Variants in TGM7 observed in about 807,000 individuals in gnomAD.
The protein encoded by TGM7 is transglutaminase 7.
In TGM7, 74 loss-of-function variants were observed where a neutral mutation model predicts 79.5. The observed-to-expected ratio is 0.93, with a 90% CI of 0.77 to 1.13. TGM7 has a LOEUF of 1.13. TGM7 is among the 50% of genes most tolerant of loss of function. TGM7 has a pLI of 0.00. For synonymous variants in TGM7, 354 were observed against 362.5 expected, an observed-to-expected ratio of 0.98 and a Z score of 0.27; for missense variants, 912 against 905.9, an observed-to-expected ratio of 1.01 and a Z score of -0.09.
intron 6 of TGM7, 121 bp downstream of exon 6, chr15:43,287,159 C>T (rs770108918): frequency 3.2e-5 from 38 of 1,191,120 alleles, no homozygotes; most frequent in Non-Finnish European, 4.5e-5. Context: ...AGCTCAGGGC[C>T]TGGGTGCCCA....
chr15:43,293,635 G>C lies in TGM7; in HGVS notation c.11-4C>G. 6.3e-7 allele frequency: 1 copy of C among 1,597,474 alleles called. No homozygotes were observed. The highest frequency in any genetic ancestry group is 8.5e-7 in the Non-Finnish European group (1 of 1,174,056). Reference sequence around the variant, plus strand: ...GACTCAAGCCGCAAGGTTGCCACTAGGGGAGAGGAGGGGACAGGTCACGCC... The same window carrying C: ...GACTCAAGCCGCAAGGTTGCCACTACGGGAGAGGAGGGGACAGGTCACGCC... On this transcript the variant is annotated splice_region_variant and splice_polypyrimidine_tract_variant and intron_variant, in intron 1 of 12. Transcript: ENST00000452443.
intron 9 of TGM7, 27 bp downstream of exon 9, chr15:43,281,817 C>T (rs140107390): frequency 1.7e-5 from 27 of 1,609,202 alleles, no homozygotes; most frequent in Middle Eastern, 3.3e-4. Flanking sequence ...CTTAAAGCAG[C>T]CCTTTCCCCA....
rs2042895377 is a variant in TGM7 at position 43,279,542 on chromosome 15, T to A, written c.1678+83A>T. The stretch of plus-strand genomic sequence containing the variant: ...GTTGGAGGAAGGGGTCTGTGTGTAA[T>A]CTGGCTGGGCCCACCCCACTGTGTT... On this transcript the variant is annotated intron_variant, in intron 10 of 12. Coordinates refer to ENST00000452443, the MANE Select transcript of TGM7 (RefSeq NM_052955.3). 4.8e-6 allele frequency: 7 copies of A among 1,472,106 alleles called. No homozygotes were observed. In the East Asian group the frequency reaches 1.6e-4, roughly 34 times the overall value. The allele number at this position is 1,472,106 out of a possible 1,614,324, so 91.2% of individuals were successfully genotyped here.
intron 7 of TGM7, among the ~76,000 whole-genome samples, chr15:43,283,374 T>C (rs1489588956): frequency 6.6e-6 from 1 of 152,254 alleles, no homozygotes; most frequent in African/African-American, 2.4e-5. Flanking sequence ...ACACACTGCA[T>C]TCAGCTACGC....
At chr15:43,283,745 GTCTA>G (rs1276598368) in intron 7 of TGM7, among the ~76,000 whole-genome samples, 42 of 152,202 alleles carry the variant, frequency 2.8e-4, no homozygotes, top group Non-Finnish European at 4.7e-4. Flanking sequence ...ACCTCTAGGA[GTCTA>G]TCTGTGGATC....
intron 4 of TGM7, 55 bp downstream of exon 4, chr15:43,291,924 G>T: frequency 1.5e-6 from 2 of 1,310,124 alleles, no homozygotes; most frequent in Middle Eastern, 1.9e-4. Flanking sequence ...ACAGGGTTGT[G>T]TAAGGACCAG....
At position 43,279,684 on chromosome 15, in the gene TGM7, C is replaced by T. The variant is rs966730203; in HGVS notation, c.1619G>A (p.Gly540Asp). The T allele has an allele frequency of 1.2e-6, 2 of 1,613,226 alleles. No individual in the cohort carries two copies. Among genetic ancestry groups the T allele is most frequent in the Non-Finnish European group, 1.7e-6 (2 of 1,179,646 alleles). ...CCTCCAGAAGGGCTTCTGGGTACCA[C>T]CCCCATGCAGCAGGGCCTGTGCACA... ...RFCAQALLHG[G>D]GTQKPFWRHT... Residue 540 changes from glycine to aspartate, a missense_variant, in exon 10 of 13, where the codon GGT (glycine) becomes GAT (aspartate). Gly to Asp is a moderately conservative substitution (Grantham distance 94). Transcript: ENST00000452443.
chr15:43,280,038 G>A, intron 9 of TGM7, 87 bp from the exon 10 acceptor site: 1 of 1,314,276 alleles, frequency 7.6e-7, no homozygotes, highest in Non-Finnish European at 1.1e-6. Flanking sequence ...CACAGGAATA[G>A]CAGCACAGGG....
chr15:43,289,697 C>T (rs530275847), intron 4 of TGM7, among the ~76,000 whole-genome samples: 14 of 152,244 alleles, frequency 9.2e-5, no homozygotes, highest in African/African-American at 2.4e-4. Context: ...AAAAGTGTTC[C>T]GATTTCTCCA....
At chr15:43,279,386 G>A (rs2042894634) in intron 10 of TGM7, 109 bp from the exon 11 acceptor site, 3 of 1,285,412 alleles carry the variant, frequency 2.3e-6, no homozygotes, top group Non-Finnish European at 3.2e-6. Flanking sequence ...AGGTAAAAGT[G>A]TGTGTGAGAG....
At chr15:43,279,569 A>G (rs767347373) in intron 10 of TGM7, 56 bp downstream of exon 10, 33 of 1,520,858 alleles carry the variant, frequency 2.2e-5, no homozygotes, top group Non-Finnish European at 2.8e-5. Context: ...CACTGTGTTC[A>G]TGGACCCACA....
In TGM7 at chr15:43,279,762, C is replaced by G. The variant is rs1349857108; in HGVS notation, c.1541G>C (p.Arg514Thr). The G allele has an allele frequency of 4.3e-6, 7 of 1,614,108 alleles. No individual in the cohort carries two copies. Among genetic ancestry groups the G allele is most frequent in the Non-Finnish European group, 5.9e-6 (7 of 1,180,046 alleles). ...CCGAGGGTGGGTGCTGTCTGGCACC[C>G]TCTGGATACGCAGCAGCAGCTGCAG... ...QDLQLLLRIQ[R>T]VPDSTHPRGP... is the part of the protein sequence containing the mutation. Residue 514 changes from arginine (R) to threonine (T), a missense_variant, in exon 10 of 13, where the codon AGG becomes ACG. Physicochemically the swap from Arg to Thr is moderately conservative, Grantham distance 71. Coordinates refer to ENST00000452443, the MANE Select transcript of TGM7 (RefSeq NM_052955.3).
chr15:43,293,094 CAA>C lies in TGM7; in HGVS notation c.194-142_194-141del, dbSNP rs1193631905. The C allele has an allele frequency of 3.2e-6, 4 of 1,254,456 alleles. No homozygotes were observed. In the African/African-American group the frequency reaches 6.0e-5, roughly 19 times the overall value. The allele number at this position is 1,254,456 out of a possible 1,614,324, so 77.7% of individuals were successfully genotyped here. On this transcript the variant is annotated intron_variant, in intron 2 of 12. Transcript: ENST00000452443. ...TTTACTGCCACCGAGTGTCCTCAGG[CAA>C]ACCATTTAAGACCCCCAGGCCTCCG... is the stretch of plus-strand genomic sequence containing the variant.
At chr15:43,278,824 TGC>T (rs2042890692) in intron 11 of TGM7, among the ~76,000 whole-genome samples, 1 of 152,256 alleles carries the variant, frequency 6.6e-6, no homozygotes, top group African/African-American at 2.4e-5. Context: ...TCCTAGTCAC[TGC>T]CTTTCCCGTC....
Position 43,298,354 on chromosome 15 carries a change from C to T in TGM7, c.10+3887G>A, listed in dbSNP as rs540134806. Among the ~76,000 whole-genome samples, 4 of 152,298 alleles carry T rather than the reference C, an allele frequency of 2.6e-5. No homozygotes were observed. The East Asian group carries it at 5.8e-4, about 22-fold the overall frequency. On this transcript the variant is annotated intron_variant, in intron 1 of 12. Transcript: ENST00000452443. Reference sequence around the variant, plus strand: ...GCCAGGATGAGGAGGGGCTCGAGCCCGGGCCAAGACGCTGCTGCTTGATTC... The same window carrying T: ...GCCAGGATGAGGAGGGGCTCGAGCCTGGGCCAAGACGCTGCTGCTTGATTC...
chr15:43,285,867 C>A (rs2042933307), intron 6 of TGM7, among the ~76,000 whole-genome samples: 1 of 149,202 alleles, frequency 6.7e-6, no homozygotes, highest in Non-Finnish European at 1.5e-5. Flanking sequence ...CACACACACA[C>A]CCCTGCCTGC....
chr15:43,296,118 T>C (rs1189252202), intron 1 of TGM7, among the ~76,000 whole-genome samples: 2 of 152,140 alleles, frequency 1.3e-5, no homozygotes, highest in Non-Finnish European at 2.9e-5. Context: ...ATATAAATCA[T>C]AGATCATAGT....
In TGM7 at chr15:43,276,512, C is replaced by G. The variant is rs746366591; in HGVS notation, c.2076G>C (p.Glu692Asp). The change falls in exon 13 of 13, where the codon GAG (glutamate) becomes GAC (aspartate). Residue 692 changes from glutamate (E) to aspartate (D), a missense_variant. Coordinates refer to ENST00000452443, the MANE Select transcript of TGM7 (RefSeq NM_052955.3). ...CCTTGTAGCCTTTGATCTCCTTGAC[C>G]TCGTTGCTGCTGATGAGAACCTGGA... ...RQLQVLISSN[E>D]VKEIKGYKDI... is the part of the protein sequence containing the mutation. 1 of 1,614,160 alleles carries G rather than the reference C, an allele frequency of 6.2e-7. No individual in the cohort carries two copies. Among genetic ancestry groups the G allele is most frequent in the Non-Finnish European group, 8.5e-7 (1 of 1,180,026 alleles).
chr15:43,276,995 C>T lies in TGM7; in HGVS notation c.1840G>A (p.Val614Met), dbSNP rs138055873. 2.9e-3 allele frequency: 4,656 copies of T among 1,613,858 alleles called. 66 individuals carry two copies. The highest frequency in any genetic ancestry group is 1.6e-3 in the Non-Finnish European group (1,868 of 1,179,936). The change falls in exon 12 of 13, where the codon GTG (valine) becomes ATG (methionine). Residue 614 changes from valine (V) to methionine (M), a missense_variant and splice_region_variant. Coordinates refer to ENST00000452443, the MANE Select transcript of TGM7 (RefSeq NM_052955.3). ...TTGCCCACCTCAGCCCTCTCAGACA[C>T]CTGTGTGGAGAGAAGTCAGCAATCC... ...CLEPPHLSIE[V>M]SERAEVGKAL...
Sources: gnomAD v4.1 joint callset for allele counts (sites outside exome capture counted in the v4.1 genomes callset) on GRCh38, gnomAD v4.1.1 for gene constraint, MANE v1.5 for transcripts, NCBI Gene and HGNC (gene_info 2026-07-23, HGNC 2026-07-21) for gene names.